Variants in NLGN4Y observed in about 807,000 individuals in gnomAD.
The protein encoded by NLGN4Y is neuroligin 4 Y-linked.
NLGN4Y carries 4 observed loss-of-function variants against 8.4 expected under a neutral mutation model. The ratio of observed to expected loss-of-function variants is 0.48; its 90% CI spans 0.23 to 1.09. NLGN4Y has a LOEUF of 1.09. Among genes scored for constraint, NLGN4Y ranks in the 50% least tolerant of loss-of-function variants. The pLI is 0.19. For synonymous variants in NLGN4Y, 35 were observed against 75.6 expected, an observed-to-expected ratio of 0.46 and a Z score of 2.78; for missense variants, 90 against 192.3, an observed-to-expected ratio of 0.47 and a Z score of 3.15.
At chrY:14,783,705 G>A (rs999334705) in intron 4 of NLGN4Y, among the ~76,000 whole-genome samples, 3 of 33,901 alleles carry the variant, frequency 8.8e-5, no homozygotes, top group Admixed American at 2.7e-4. Flanking sequence ...TCCTTAATAT[G>A]TGTTACTTTC....
At chrY:14,665,866 C>A (rs888241965) in intron 2 of NLGN4Y, among the ~76,000 whole-genome samples, 9 of 33,083 alleles carry the variant, frequency 2.7e-4, no homozygotes, top group Non-Finnish European at 5.2e-4. Context: ...AACATTCAAG[C>A]ATTGGATCAG....
At chrY:14,547,677 G>T (rs2080177355) in intron 1 of NLGN4Y, among the ~76,000 whole-genome samples, 2 of 34,027 alleles carry the variant, frequency 5.9e-5, no homozygotes, top group Non-Finnish European at 1.5e-4. Flanking sequence ...TTGCTGGTAA[G>T]CCATGGATGT....
At position 14,842,094 on chromosome Y, in the gene NLGN4Y, T is replaced by C; in HGVS notation, c.*832T>C. Reference sequence around the variant, plus strand: ...GACGTAAGATTTTCATTTGTAGGAATATGTGATGTCAAATGGAAGACTCAG... The same window carrying C: ...GACGTAAGATTTTCATTTGTAGGAACATGTGATGTCAAATGGAAGACTCAG... On this transcript the variant is annotated 3_prime_UTR_variant, in exon 7 of 7. Coordinates refer to ENST00000684976, the MANE Select transcript of NLGN4Y (RefSeq NM_001365588.1). 1 of 120,076 alleles carries C rather than the reference T, an allele frequency of 8.3e-6. No individual in the cohort carries two copies. The allele number at this position is 120,076 out of a possible 400,897, so 30.0% of individuals were successfully genotyped here.
chrY:14,629,298 G>T, intron 2 of NLGN4Y, among the ~76,000 whole-genome samples: 1 of 33,990 alleles, frequency 2.9e-5, no homozygotes, highest in Non-Finnish European at 7.3e-5. Flanking sequence ...TTTATAGCAC[G>T]GTTTTCATCC....
chrY:14,571,514 T>C, intron 1 of NLGN4Y, among the ~76,000 whole-genome samples: 3 of 33,406 alleles, frequency 9.0e-5, no homozygotes, highest in Non-Finnish European at 1.5e-4. Flanking sequence ...GTTAGATGAG[T>C]AGATTGCAAA....
chrY:14,552,698 G>C, intron 1 of NLGN4Y, among the ~76,000 whole-genome samples: 2 of 33,375 alleles, frequency 6.0e-5, no homozygotes, highest in Admixed American at 2.8e-4. Context: ...TCTCAATGCA[G>C]AAAAGGCCTT....
intron 2 of NLGN4Y, among the ~76,000 whole-genome samples, chrY:14,701,168 A>G: frequency 3.8e-5 from 1 of 26,290 alleles, no homozygotes; most frequent in Non-Finnish European, 8.7e-5. Flanking sequence ...GCCAGAAAGG[A>G]GGACAATGCT....
chrY:14,785,914 G>A (rs987881087), intron 4 of NLGN4Y, among the ~76,000 whole-genome samples: 2 of 32,340 alleles, frequency 6.2e-5, no homozygotes. Context: ...GCTAAAAACG[G>A]AACCAAAAAG....
At chrY:14,672,532 A>G in intron 2 of NLGN4Y, among the ~76,000 whole-genome samples, 1 of 30,209 alleles carries the variant, frequency 3.3e-5, no homozygotes. Flanking sequence ...CTCAAAAAAA[A>G]AAAAAAAAAA....
intron 2 of NLGN4Y, among the ~76,000 whole-genome samples, chrY:14,696,063 G>GCATT (rs2080826781): frequency 6.1e-5 from 2 of 32,892 alleles, no homozygotes; most frequent in African/African-American, 2.4e-4. Flanking sequence ...ATGCATGCAT[G>GCATT]CCTGCATCTT....
chrY:14,702,859 T>G, intron 2 of NLGN4Y, among the ~76,000 whole-genome samples: 1 of 33,296 alleles, frequency 3.0e-5, no homozygotes, highest in South Asian at 6.9e-4. Flanking sequence ...CCATTCTAAC[T>G]GGTGTGAGAT....
At chrY:14,598,259 C>T (rs767903733) in intron 1 of NLGN4Y, among the ~76,000 whole-genome samples, 14 of 34,385 alleles carry the variant, frequency 4.1e-4, no homozygotes, top group African/African-American at 1.0e-3. Context: ...TGGTGCTCGT[C>T]GGGGAGGCTC....
chrY:14,752,477 T>G, intron 4 of NLGN4Y, among the ~76,000 whole-genome samples: 1 of 33,466 alleles, frequency 3.0e-5, no homozygotes, highest in African/African-American at 1.2e-4. Flanking sequence ...TTGGGCTGAT[T>G]GGACATCTTT....
At chrY:14,625,935 C>T (rs986325601) in intron 2 of NLGN4Y, among the ~76,000 whole-genome samples, 1 of 33,812 alleles carries the variant, frequency 3.0e-5, no homozygotes, top group Non-Finnish European at 7.3e-5. Context: ...GAGAAAAAGC[C>T]GTAAGTTGAG....
At chrY:14,538,646 G>T in intron 1 of NLGN4Y, among the ~76,000 whole-genome samples, 1 of 33,077 alleles carries the variant, frequency 3.0e-5, no homozygotes, top group African/African-American at 1.2e-4. Flanking sequence ...TTAATTAATT[G>T]CATTTGTTTA....
intron 4 of NLGN4Y, among the ~76,000 whole-genome samples, chrY:14,774,793 G>A (rs2081118480): frequency 3.0e-5 from 1 of 33,292 alleles, no homozygotes; most frequent in Non-Finnish European, 7.4e-5. Context: ...TTAAAGAAAT[G>A]TGGCACATAT....
At position 14,841,922 on chromosome Y, in the gene NLGN4Y, G is replaced by C; in HGVS notation, c.*660G>C. The stretch of plus-strand genomic sequence containing the variant: ...AAAAACTGCAGACAAACAAAAAAGA[G>C]AAAAGCTTTTATTTGTGTTTTCAGT... On this transcript the variant is annotated 3_prime_UTR_variant, in exon 7 of 7. Coordinates refer to ENST00000684976, the MANE Select transcript of NLGN4Y (RefSeq NM_001365588.1). The C allele has an allele frequency of 8.3e-6, 1 of 120,257 alleles. No individual in the cohort carries two copies. The highest frequency in any genetic ancestry group is 2.6e-4 in the East Asian group (1 of 3,848). The allele number at this position is 120,257 out of a possible 400,897, so 30.0% of individuals were successfully genotyped here.
At chrY:14,543,850 A>G (rs762004841) in intron 1 of NLGN4Y, among the ~76,000 whole-genome samples, 1 of 33,582 alleles carries the variant, frequency 3.0e-5, no homozygotes, top group African/African-American at 1.2e-4. Flanking sequence ...ACACGCACAC[A>G]TGCGCACACA....
intron 2 of NLGN4Y, among the ~76,000 whole-genome samples, chrY:14,678,588 A>G (rs2080758047): frequency 6.0e-5 from 2 of 33,251 alleles, no homozygotes; most frequent in African/African-American, 2.3e-4. Context: ...CCTGCAGGCC[A>G]GTCATCTCAG....
Sources: gnomAD v4.1 joint callset for allele counts (sites outside exome capture counted in the v4.1 genomes callset) on GRCh38, gnomAD v4.1.1 for gene constraint, MANE v1.5 for transcripts, NCBI Gene and HGNC (gene_info 2026-07-23, HGNC 2026-07-21) for gene names.